HS3ST2: variants seen among roughly 807,000 people sequenced by gnomAD.
The protein encoded by HS3ST2 is heparan sulfate-glucosamine 3-sulfotransferase 2, also known as heparan sulfate glucosamine 3-O-sulfotransferase 2.
A neutral mutation model predicts 26.3 loss-of-function variants in HS3ST2; 17 were observed. That is an observed-to-expected ratio of 0.65 (90% CI 0.44 to 0.97). The LOEUF is 0.97. Ranked by LOEUF, HS3ST2 falls within the 50% of genes least tolerant of loss-of-function variation. The pLI is 0.00. For synonymous variants in HS3ST2, 237 were observed against 219.2 expected (o/e 1.08, Z -0.72); for missense variants, 402 against 501.2 (o/e 0.80, Z 1.89).
At chr16:22,880,561 A>G (rs943921807) in intron 1 of HS3ST2, among the ~76,000 whole-genome samples, 1 of 152,188 alleles carries the variant, frequency 6.6e-6, no homozygotes, top group Non-Finnish European at 1.5e-5. Flanking sequence ...TCGATCCCCT[A>G]TTTGGCTGGT....
intron 1 of HS3ST2, among the ~76,000 whole-genome samples, chr16:22,900,692 A>T (rs180840604): frequency 6.6e-6 from 1 of 152,220 alleles, no homozygotes; most frequent in Admixed American, 6.5e-5. Flanking sequence ...GGAGGAAGAA[A>T]GAATGTGTTC....
rs544648844 is a variant in HS3ST2 at position 22,814,853 on chromosome 16, C to G, written c.243C>G (p.Ser81Arg). 621 of 1,562,502 alleles carry G rather than the reference C, an allele frequency of 4.0e-4. 12 individuals carry two copies. In the South Asian group the frequency reaches 6.8e-3, roughly 17 times the overall value. Residue 81 changes from serine to arginine, a missense_variant, in exon 1 of 2, where the codon AGC becomes AGG. Physicochemically the swap from Ser to Arg is moderately radical, Grantham distance 110. This residue lies in a region of HS3ST2 where 165 missense variants were observed against 154.6 expected (regional missense o/e 1.07). Coordinates refer to ENST00000261374, the MANE Select transcript of HS3ST2 (RefSeq NM_006043.2). The stretch of plus-strand genomic sequence containing the variant: ...GTGATCCCTCCGGGCCGACGCCCAG[C>G]GAGCCCAGCGCTCCCAGCGCGCCCG... ...RPCDPSGPTP[S>R]EPSAPSAPAA...
In HS3ST2 at chr16:22,831,224, A is replaced by C. The variant is rs374669626; in HGVS notation, c.485+16129A>C. On this transcript the variant is annotated intron_variant, in intron 1 of 1. Coordinates refer to ENST00000261374, the MANE Select transcript of HS3ST2 (RefSeq NM_006043.2). ...TTTAAAGCCATATCATTTGCCACCT[A>C]AATTTGTTTTTAGCCACTAGTGGTA... is the stretch of plus-strand genomic sequence containing the variant. 1.2e-3 allele frequency among the ~76,000 whole-genome samples: 179 copies of C among 152,322 alleles called. 6 individuals carry two copies. In the South Asian group the frequency reaches 0.036, roughly 31 times the overall value.
Position 22,913,091 on chromosome 16 carries a change from A to G in HS3ST2, c.486-1853A>G, listed in dbSNP as rs1214310310. Among the ~76,000 whole-genome samples, 3 of 149,762 alleles carry G rather than the reference A, an allele frequency of 2.0e-5. No homozygotes were observed. The Admixed American group carries it at 2.0e-4, about 10-fold the overall frequency. The stretch of plus-strand genomic sequence containing the variant: ...TCTAGGACAGAGCCCAGACATGTTT[A>G]TTTAAAAAAGAAAGAAAGAAAGAGA... On this transcript the variant is annotated intron_variant, in intron 1 of 1. Transcript: ENST00000261374.
intron 1 of HS3ST2, among the ~76,000 whole-genome samples, chr16:22,889,356 A>G (rs1902103150): frequency 6.6e-6 from 1 of 152,230 alleles, no homozygotes; most frequent in Non-Finnish European, 1.5e-5. Flanking sequence ...TTCGTATACA[A>G]TTATTTAATC....
chr16:22,815,961 A>G (rs1900861723), intron 1 of HS3ST2, among the ~76,000 whole-genome samples: 1 of 152,202 alleles, frequency 6.6e-6, no homozygotes, highest in African/African-American at 2.4e-5. Context: ...CAAGGGTGCT[A>G]GGGGCAGCCA....
chr16:22,866,320 C>CGT (rs1739425305), intron 1 of HS3ST2, among the ~76,000 whole-genome samples: 1 of 148,142 alleles, frequency 6.8e-6, no homozygotes, highest in African/African-American at 2.6e-5. Flanking sequence ...AGCACGTGCG[C>CGT]GCGCGCGCAC....
intron 1 of HS3ST2, among the ~76,000 whole-genome samples, chr16:22,826,426 C>A (rs1901087407): frequency 6.6e-6 from 1 of 152,222 alleles, no homozygotes; most frequent in Admixed American, 6.5e-5. Context: ...GCCACCTAGT[C>A]TAGGCTGGCT....
intron 1 of HS3ST2, among the ~76,000 whole-genome samples, chr16:22,835,722 A>G (rs1200750566): frequency 6.6e-6 from 1 of 152,184 alleles, no homozygotes; most frequent in Non-Finnish European, 1.5e-5. Flanking sequence ...GCTGTCAGTT[A>G]CTCAGGTAAA....
chr16:22,832,478 A>C (rs554895449), intron 1 of HS3ST2, among the ~76,000 whole-genome samples: 20 of 151,998 alleles, frequency 1.3e-4, no homozygotes, highest in Non-Finnish European at 2.5e-4. Context: ...ATGAGTTACA[A>C]TGTGGATGTG....
chr16:22,814,711 G>C lies in HS3ST2; in HGVS notation c.101G>C (p.Cys34Ser). The C allele has an allele frequency of 6.2e-7, 1 of 1,609,024 alleles. No homozygotes were observed. Among genetic ancestry groups the C allele is most frequent in the Non-Finnish European group, 8.5e-7 (1 of 1,178,478 alleles). Residue 34 changes from cysteine to serine, a missense_variant, in exon 1 of 2, where the codon TGT becomes TCT. By Grantham distance (112) the Cys-to-Ser change is moderately radical (BLOSUM62 -1). This residue lies in a region of HS3ST2 where 165 missense variants were observed against 154.6 expected (regional missense o/e 1.07). Coordinates refer to ENST00000261374, the MANE Select transcript of HS3ST2 (RefSeq NM_006043.2). The stretch of plus-strand genomic sequence containing the variant: ...CTCTCGCTCTCCTGCACTTACCTGT[G>C]TTACAGCTTCCTGTGCTGCTGCGAC... ...FTLSLSCTYL[C>S]YSFLCCCDDL...
At chr16:22,835,091 G>A (rs539776207) in intron 1 of HS3ST2, among the ~76,000 whole-genome samples, 18 of 152,090 alleles carry the variant, frequency 1.2e-4, no homozygotes, top group African/African-American at 4.1e-4. Context: ...CATCCAGTGT[G>A]ATCATCTTCA....
chr16:22,897,593 G>C (rs1902227109), intron 1 of HS3ST2, among the ~76,000 whole-genome samples: 1 of 152,208 alleles, frequency 6.6e-6, no homozygotes, highest in South Asian at 2.1e-4. Flanking sequence ...AAACGATGAA[G>C]TTGGTTAAGT....
intron 1 of HS3ST2, among the ~76,000 whole-genome samples, chr16:22,846,238 C>T (rs937765496): frequency 1.8e-4 from 27 of 151,510 alleles, no homozygotes; most frequent in Admixed American, 1.6e-3. Flanking sequence ...GATCATGCCA[C>T]TGCTCTCCAG....
intron 1 of HS3ST2, among the ~76,000 whole-genome samples, chr16:22,865,346 A>G: frequency 6.6e-6 from 1 of 152,136 alleles, no homozygotes; most frequent in African/African-American, 2.4e-5. Flanking sequence ...TGAGGTCAGG[A>G]GTTCGAGACC....
At chr16:22,824,027 C>T (rs1256121314) in intron 1 of HS3ST2, among the ~76,000 whole-genome samples, 5 of 152,214 alleles carry the variant, frequency 3.3e-5, no homozygotes, top group Non-Finnish European at 5.9e-5. Context: ...CAGTATTCTC[C>T]ACAATTACCA....
intron 1 of HS3ST2, among the ~76,000 whole-genome samples, chr16:22,822,786 C>A (rs1338309861): frequency 6.7e-6 from 1 of 149,726 alleles, no homozygotes; most frequent in South Asian, 2.1e-4. Context: ...ACCTGGGAGG[C>A]AGGGGTTGCA....
intron 1 of HS3ST2, among the ~76,000 whole-genome samples, chr16:22,901,906 A>T (rs546890256): frequency 1.6e-4 from 25 of 152,262 alleles, no homozygotes; most frequent in African/African-American, 4.3e-4. Flanking sequence ...AGTTTTTTTT[A>T]AATGACAAAA....
chr16:22,832,149 A>ATTTTTTTT (rs1596607195), intron 1 of HS3ST2, among the ~76,000 whole-genome samples: 1 of 108,490 alleles, frequency 9.2e-6, no homozygotes, highest in African/African-American at 3.4e-5. Flanking sequence ...TCCCCAGCTG[A>ATTTTTTTT]TCTTTTTTTT....
Sources: allele counts gnomAD v4.1 joint callset (sites outside exome capture counted in the v4.1 genomes callset), GRCh38; gene constraint gnomAD v4.1.1; regional missense constraint gnomAD v4.1.1; transcripts MANE v1.5; gene names NCBI Gene and HGNC (gene_info 2026-07-23, HGNC 2026-07-21).